The following GALNT17 variants were observed in gnomAD, a reference collection of about 807,000 sequenced individuals.
The protein encoded by GALNT17 is polypeptide N-acetylgalactosaminyltransferase 17.
GALNT17 carries 29 observed loss-of-function variants against 63.7 expected under a neutral mutation model. The observed-to-expected ratio is 0.46, with a 90% CI of 0.34 to 0.62. The LOEUF is 0.62. Ranked by LOEUF, GALNT17 falls within the 20% of genes least tolerant of loss-of-function variation. The probability of loss-of-function intolerance (pLI) is 0.01; values close to 1 mark genes in which losing one functional copy is unlikely to be tolerated. For synonymous variants in GALNT17, 305 were observed against 318.3 expected (o/e 0.96, Z 0.45); for missense variants, 603 against 799.6 (o/e 0.75, Z 2.97).
chr7:71,531,339 T>G (rs1788717719), intron 5 of GALNT17, among the ~76,000 whole-genome samples: 1 of 152,186 alleles, frequency 6.6e-6, no homozygotes, highest in Non-Finnish European at 1.5e-5. Context: ...TAACATAAGA[T>G]CTACCCCCTT....
intron 3 of GALNT17, among the ~76,000 whole-genome samples, chr7:71,392,588 C>T (rs747377955): frequency 2.0e-5 from 3 of 152,130 alleles, no homozygotes; most frequent in Non-Finnish European, 4.4e-5. Context: ...GGTTAGGTAA[C>T]CACGCCTTGA....
At chr7:71,282,551 C>T (rs1377467598) in intron 1 of GALNT17, among the ~76,000 whole-genome samples, 2 of 152,174 alleles carry the variant, frequency 1.3e-5, no homozygotes, top group African/African-American at 2.4e-5. Flanking sequence ...CCTGTTTAGA[C>T]AACCAGTGTG....
chr7:71,640,783 A>G (rs1790592063), intron 6 of GALNT17, among the ~76,000 whole-genome samples: 1 of 151,940 alleles, frequency 6.6e-6, no homozygotes. Flanking sequence ...AGGCTTACCC[A>G]GGAGGATCAC....
intron 6 of GALNT17, among the ~76,000 whole-genome samples, chr7:71,645,050 A>G (rs1790655780): frequency 6.6e-6 from 1 of 152,208 alleles, no homozygotes; most frequent in Admixed American, 6.5e-5. Flanking sequence ...CAACCATGGC[A>G]GGGTTGTGCT....
At chr7:71,282,490 T>C (rs1362824008) in intron 1 of GALNT17, among the ~76,000 whole-genome samples, 1 of 152,230 alleles carries the variant, frequency 6.6e-6, no homozygotes, top group Admixed American at 6.5e-5. Flanking sequence ...GTCAGGCACA[T>C]AGCAGATGCC....
In GALNT17 at chr7:71,321,203, CT is replaced by C. The variant is rs1791599996; in HGVS notation, c.239-14342del. Among the ~76,000 whole-genome samples, 4 of 152,296 alleles carry C rather than the reference CT, an allele frequency of 2.6e-5. No homozygotes were observed. The South Asian group carries it at 8.3e-4, about 32-fold the overall frequency. ...ATTTCTTACCTGCTCCTAGATCAGCCTTTTTCCCCCTTGTGCAGCTTTATAA... is the reference window on the plus strand; with the variant it reads ...ATTTCTTACCTGCTCCTAGATCAGCCTTTTCCCCCTTGTGCAGCTTTATAA... On this transcript the variant is annotated intron_variant, in intron 1 of 10. Transcript: ENST00000333538.
chr7:71,404,189 A>C (rs1793288038), intron 3 of GALNT17, among the ~76,000 whole-genome samples: 1 of 152,210 alleles, frequency 6.6e-6, no homozygotes, highest in Non-Finnish European at 1.5e-5. Flanking sequence ...AAATGGAAGA[A>C]GCAGTAGAGA....
At chr7:71,641,158 A>G (rs1232774766) in intron 6 of GALNT17, among the ~76,000 whole-genome samples, 1 of 152,198 alleles carries the variant, frequency 6.6e-6, no homozygotes, top group East Asian at 1.9e-4. Context: ...AATAACCATG[A>G]TCTCAGGACA....
intron 1 of GALNT17, among the ~76,000 whole-genome samples, chr7:71,162,470 T>C (rs1446888994): frequency 6.6e-6 from 1 of 151,922 alleles, no homozygotes; most frequent in Non-Finnish European, 1.5e-5. Context: ...ACACAATATG[T>C]CGGGTCCAAA....
Position 71,594,482 on chromosome 7 carries a change from G to GT in GALNT17, c.1080+23084dup, listed in dbSNP as rs565793766. On this transcript the variant is annotated intron_variant, in intron 6 of 10. Transcript: ENST00000333538. ...TGTTTGTATTTTTAGTAGAGATGGG[G>GT]TTTTGCCCTGTTGCCCAGGCTGGTC... 2.3e-4 allele frequency among the ~76,000 whole-genome samples: 35 copies of GT among 152,168 alleles called. 2 individuals carry two copies. In the South Asian group the frequency reaches 7.3e-3, roughly 32 times the overall value.
chr7:71,638,777 C>T (rs948926607), intron 6 of GALNT17, among the ~76,000 whole-genome samples: 1 of 152,032 alleles, frequency 6.6e-6, no homozygotes, highest in Non-Finnish European at 1.5e-5. Flanking sequence ...CGATCCATGA[C>T]GTTAGGTAGG....
intron 5 of GALNT17, among the ~76,000 whole-genome samples, chr7:71,568,726 G>A (rs1005476566): frequency 5.3e-5 from 8 of 152,070 alleles, no homozygotes; most frequent in Non-Finnish European, 1.2e-4. Flanking sequence ...ATGTAAGGGT[G>A]ACTATAAAGT....
intron 1 of GALNT17, among the ~76,000 whole-genome samples, chr7:71,301,621 T>C (rs1299513766): frequency 6.6e-6 from 1 of 152,024 alleles, no homozygotes; most frequent in African/African-American, 2.4e-5. Flanking sequence ...ATATGCAGCA[T>C]TGTACTTATA....
At chr7:71,182,702 C>A (rs1366122692) in intron 1 of GALNT17, among the ~76,000 whole-genome samples, 1 of 152,090 alleles carries the variant, frequency 6.6e-6, no homozygotes, top group Non-Finnish European at 1.5e-5. Context: ...CCAAATGTTA[C>A]AGCAGATCTT....
intron 1 of GALNT17, among the ~76,000 whole-genome samples, chr7:71,177,088 G>A (rs916460733): frequency 2.6e-5 from 4 of 152,116 alleles, no homozygotes; most frequent in Non-Finnish European, 4.4e-5. Context: ...CATGGAGTGC[G>A]CTGTTGCTGG....
At chr7:71,154,964 C>T (rs1461619394) in intron 1 of GALNT17, among the ~76,000 whole-genome samples, 3 of 151,896 alleles carry the variant, frequency 2.0e-5, no homozygotes, top group East Asian at 1.9e-4. Flanking sequence ...TGAATTTTTT[C>T]GGGAAAGTCT....
intron 5 of GALNT17, among the ~76,000 whole-genome samples, chr7:71,479,453 A>G (rs1787778408): frequency 6.6e-6 from 1 of 152,220 alleles, no homozygotes; most frequent in Non-Finnish European, 1.5e-5. Context: ...ATAGCTCAGC[A>G]TGGTTCAAAG....
chr7:71,654,846 T>C (rs77285119), intron 6 of GALNT17, among the ~76,000 whole-genome samples: 245 of 152,300 alleles, frequency 1.6e-3, no homozygotes, highest in African/African-American at 5.6e-3. Flanking sequence ...TAGAAAGCAG[T>C]GGCACGATCT....
chr7:71,527,878 G>A (rs59045355), intron 5 of GALNT17, among the ~76,000 whole-genome samples: 5,969 of 152,144 alleles, frequency 0.039, 202 homozygotes, highest in African/African-American at 0.091. Flanking sequence ...ATTTGCACTC[G>A]CTTCACTACA....
Sources: allele counts gnomAD v4.1 joint callset (sites outside exome capture counted in the v4.1 genomes callset), GRCh38; gene constraint gnomAD v4.1.1; transcripts MANE v1.5; gene names NCBI Gene and HGNC (gene_info 2026-07-23, HGNC 2026-07-21).